OR9Q1: variants seen among roughly 807,000 people sequenced by gnomAD.
The protein encoded by OR9Q1 is olfactory receptor family 9 subfamily Q member 1.
For missense variants in OR9Q1, 374 were observed against 378.8 expected, an observed-to-expected ratio of 0.99 and a Z score of 0.11; for synonymous variants, 153 against 148.6, an observed-to-expected ratio of 1.03 and a Z score of -0.22.
Position 58,155,918 on chromosome 11 carries a change from C to CTTTT in OR9Q1, c.-14-23513_-14-23512insTTTT, listed in dbSNP as rs139275746. On this transcript the variant is annotated intron_variant, in intron 2 of 2. Transcript: ENST00000335397. The stretch of plus-strand genomic sequence containing the variant: ...TCTTGCTGTTCTTTTTCTTTTCCTT[C>CTTTT]CTTTTTTTTTTTTTTGAGATAGACT... 2.1e-5 allele frequency among the ~76,000 whole-genome samples: 3 copies of CTTTT among 140,426 alleles called. 1 individual carries two copies. The highest frequency in any genetic ancestry group is 3.1e-5 in the Non-Finnish European group (2 of 65,536). The allele number at this position is 140,426 out of a possible 152,430, so 92.1% of individuals were successfully genotyped here. A position where few individuals can be genotyped will look rare whatever the true frequency, so the allele number is the denominator to read the frequency against.
intron 2 of OR9Q1, among the ~76,000 whole-genome samples, chr11:58,128,343 C>A (rs2119834757): frequency 6.6e-6 from 1 of 150,452 alleles, no homozygotes; most frequent in African/African-American, 2.4e-5. Flanking sequence ...TTAAAGCAAT[C>A]TTTTTCAGAT....
intron 2 of OR9Q1, among the ~76,000 whole-genome samples, chr11:58,165,123 T>C (rs1349665677): frequency 2.6e-5 from 4 of 152,228 alleles, no homozygotes; most frequent in African/African-American, 9.6e-5. Flanking sequence ...GAATGCAAGC[T>C]CATAGGAGCA....
At chr11:58,078,803 T>A (rs1474219072) in intron 2 of OR9Q1, among the ~76,000 whole-genome samples, 1 of 152,200 alleles carries the variant, frequency 6.6e-6, no homozygotes, top group Non-Finnish European at 1.5e-5. Flanking sequence ...AAACATCGAA[T>A]GGAGCTGATA....
chr11:58,095,903 C>G (rs1394971724), intron 2 of OR9Q1, among the ~76,000 whole-genome samples: 1 of 152,160 alleles, frequency 6.6e-6, no homozygotes, highest in Non-Finnish European at 1.5e-5. Flanking sequence ...AGTGACAACT[C>G]TGTTCCATGC....
intron 2 of OR9Q1, among the ~76,000 whole-genome samples, chr11:58,165,752 T>C (rs1250812464): frequency 6.6e-6 from 1 of 152,218 alleles, no homozygotes; most frequent in Non-Finnish European, 1.5e-5. Flanking sequence ...GATTAAAATA[T>C]GTTCTTTGAC....
intron 1 of OR9Q1, among the ~76,000 whole-genome samples, 195 bp downstream of exon 1, chr11:58,024,299 C>G (rs972070712): frequency 1.3e-5 from 2 of 152,140 alleles, no homozygotes; most frequent in African/African-American, 4.8e-5. Flanking sequence ...CCTAGCCCCG[C>G]TGTCTGTCTC....
intron 2 of OR9Q1, among the ~76,000 whole-genome samples, chr11:58,138,404 T>A (rs532015540): frequency 1.7e-4 from 26 of 152,268 alleles, no homozygotes; most frequent in African/African-American, 5.8e-4. Flanking sequence ...TGAGTCTTAT[T>A]TTAGTCAGCA....
At chr11:58,168,435 G>A (rs544229729) in intron 2 of OR9Q1, among the ~76,000 whole-genome samples, 9 of 152,122 alleles carry the variant, frequency 5.9e-5, no homozygotes, top group South Asian at 2.1e-4. Context: ...TCAACATGAC[G>A]GCTTTGAGAT....
intron 2 of OR9Q1, among the ~76,000 whole-genome samples, chr11:58,097,704 T>C (rs1214423665): frequency 6.6e-5 from 10 of 152,204 alleles, no homozygotes; most frequent in Admixed American, 5.9e-4. Context: ...TGTAAAACAA[T>C]CTAAATGTTC....
chr11:58,059,334 G>C (rs994486736), intron 2 of OR9Q1, among the ~76,000 whole-genome samples: 3 of 151,992 alleles, frequency 2.0e-5, no homozygotes, highest in African/African-American at 7.3e-5. Context: ...ATTGTTAATA[G>C]AATAAAAACA....
chr11:58,128,254 T>TAAAAAA (rs56238213), intron 2 of OR9Q1, among the ~76,000 whole-genome samples: 5 of 126,230 alleles, frequency 4.0e-5, no homozygotes, highest in African/African-American at 5.9e-5. Flanking sequence ...CAAGAAAAAC[T>TAAAAAA]AAAAAAAAAA....
chr11:58,025,259 C>T (rs771121720), intron 1 of OR9Q1, among the ~76,000 whole-genome samples: 7 of 152,102 alleles, frequency 4.6e-5, no homozygotes, highest in African/African-American at 7.2e-5. Context: ...CTGCAACCTC[C>T]GCCTCCCGGG....
chr11:58,100,439 G>T (rs1853772566), intron 2 of OR9Q1, among the ~76,000 whole-genome samples: 1 of 152,006 alleles, frequency 6.6e-6, no homozygotes, highest in Non-Finnish European at 1.5e-5. Context: ...CATATATGTT[G>T]CTTTTGTATG....
In OR9Q1 at chr11:58,138,289, G is replaced by A. The variant is rs150053433; in HGVS notation, c.-14-41142G>A. ...CTGCCTGAGGCTGGGCAGGAGCGTC[G>A]TACTTCCTGGGCCAAAGTGATGGCC... On this transcript the variant is annotated intron_variant, in intron 2 of 2. Coordinates refer to ENST00000335397, the MANE Select transcript of OR9Q1 (RefSeq NM_001005212.4). Among the ~76,000 whole-genome samples, 46 of 152,274 alleles carry A rather than the reference G, an allele frequency of 3.0e-4. No individual in the cohort carries two copies. The East Asian group carries it at 7.1e-3, about 24-fold the overall frequency.
chr11:58,083,498 T>A (rs1208994143), intron 2 of OR9Q1, among the ~76,000 whole-genome samples: 2 of 152,100 alleles, frequency 1.3e-5, no homozygotes, highest in African/African-American at 4.8e-5. Context: ...TTTGGTTTAA[T>A]TGCAGTTGTT....
intron 2 of OR9Q1, among the ~76,000 whole-genome samples, chr11:58,148,346 C>T (rs538393397): frequency 2.6e-4 from 40 of 152,206 alleles, no homozygotes; most frequent in African/African-American, 7.5e-4. Context: ...TATGGGAATG[C>T]ATTTTGTCTG....
intron 2 of OR9Q1, among the ~76,000 whole-genome samples, chr11:58,105,174 C>T (rs1565076854): frequency 1.3e-5 from 2 of 151,944 alleles, no homozygotes; most frequent in African/African-American, 4.8e-5. Flanking sequence ...CATCTACACC[C>T]CTGGTTAACC....
At chr11:58,109,380 A>C (rs1008224457) in intron 2 of OR9Q1, 1 of 458,846 alleles carries the variant, frequency 2.2e-6, no homozygotes, top group Non-Finnish European at 4.4e-6. Context: ...CACGGCAGCC[A>C]TAGGAGATAA....
At chr11:58,080,663 C>G (rs933922192) in intron 2 of OR9Q1, among the ~76,000 whole-genome samples, 1 of 152,050 alleles carries the variant, frequency 6.6e-6, no homozygotes, top group Non-Finnish European at 1.5e-5. Flanking sequence ...TGTTTTTTGA[C>G]TTTTTAATAA....
Sources: gnomAD v4.1 joint callset for allele counts (sites outside exome capture counted in the v4.1 genomes callset) on GRCh38, gnomAD v4.1.1 for gene constraint, MANE v1.5 for transcripts, NCBI Gene and HGNC (gene_info 2026-07-23, HGNC 2026-07-21) for gene names.